Variants in RTN4IP1 observed in about 807,000 individuals in gnomAD.
The protein encoded by RTN4IP1 is reticulon 4 interacting protein 1.
Under a neutral mutation model 46.6 loss-of-function variants are expected in RTN4IP1, and 32 were observed. The ratio of observed to expected loss-of-function variants is 0.69; its 90% confidence interval spans 0.52 to 0.92. The LOEUF (loss-of-function observed/expected upper bound fraction) is 0.92, where lower values mean the gene tolerates loss of function less well. RTN4IP1 is among the 40% of genes least tolerant of loss of function. The pLI, the probability that RTN4IP1 is intolerant of heterozygous loss-of-function variation, is 0.00. For missense variants in RTN4IP1, 424 were observed against 485.8 expected, an observed-to-expected ratio of 0.87 and a Z score of 1.20; for synonymous variants, 167 against 161.8, an observed-to-expected ratio of 1.03 and a Z score of -0.24.
At chr6:106,594,569 C>T (rs1050517447) in intron 5 of RTN4IP1, among the ~76,000 whole-genome samples, 1 of 151,868 alleles carries the variant, frequency 6.6e-6, no homozygotes, top group Admixed American at 6.6e-5. Flanking sequence ...TGAACACCAC[C>T]CAGATAAAGC....
chr6:106,610,862 C>A (rs551660773), intron 4 of RTN4IP1, among the ~76,000 whole-genome samples: 2 of 152,084 alleles, frequency 1.3e-5, no homozygotes, highest in Non-Finnish European at 2.9e-5. Context: ...ATCTAACTTG[C>A]TCTGTCCTTT....
rs546715649 is a variant in RTN4IP1, at chr6:106,572,525, C to G, written c.1084-422G>C. The G allele has an allele frequency of 1.9e-5, 3 of 161,354 alleles. No individual in the cohort carries two copies. In the South Asian group the frequency reaches 5.1e-4, roughly 28 times the overall value. The allele number at this position is 161,354 out of a possible 1,614,324, so 10.0% of individuals were successfully genotyped here. ...GTACGAGTCAGTAAGCCCAGAAATC[C>G]TTCTCTGAAAATTCCACTGCCCTTC... On this transcript the variant is annotated intron_variant, in intron 8 of 8. Coordinates refer to ENST00000369063, the MANE Select transcript of RTN4IP1 (RefSeq NM_032730.5).
At chr6:106,597,655 T>G (rs1420134511) in intron 5 of RTN4IP1, among the ~76,000 whole-genome samples, 1 of 152,008 alleles carries the variant, frequency 6.6e-6, no homozygotes, top group Non-Finnish European at 1.5e-5. Context: ...TCTTTTTGTT[T>G]CTTTTGTAAT....
intron 6 of RTN4IP1, among the ~76,000 whole-genome samples, chr6:106,589,607 A>G (rs1185590305): frequency 1.3e-5 from 2 of 152,104 alleles, no homozygotes; most frequent in Non-Finnish European, 2.9e-5. Flanking sequence ...AAGTATGCAA[A>G]AACTCATAAC....
At chr6:106,580,980 TAA>T (rs11309802) in intron 8 of RTN4IP1, among the ~76,000 whole-genome samples, 35 of 137,408 alleles carry the variant, frequency 2.5e-4, no homozygotes, top group Middle Eastern at 3.7e-3. Flanking sequence ...CATATGCTGT[TAA>T]AAAAAAAAAA....
At chr6:106,617,104 A>C (rs1582386645) in intron 4 of RTN4IP1, among the ~76,000 whole-genome samples, 1 of 152,244 alleles carries the variant, frequency 6.6e-6, no homozygotes, top group Admixed American at 6.5e-5. Context: ...GTTGGTCCTC[A>C]CCAGACACAA....
intron 8 of RTN4IP1, among the ~76,000 whole-genome samples, chr6:106,581,102 A>C (rs747318413): frequency 2.6e-4 from 40 of 152,200 alleles, no homozygotes; most frequent in Non-Finnish European, 5.3e-4. Context: ...GGAATACCCA[A>C]GAAACTAGTA....
At position 106,572,397 on chromosome 6, in the gene RTN4IP1, G is replaced by A. The variant is rs1174841896; in HGVS notation, c.1084-294C>T. The A allele has an allele frequency of 3.1e-5, 10 of 319,694 alleles. 1 individual carries two copies. The East Asian group carries it at 4.4e-4, about 14-fold the overall frequency. 19.8% of individuals were successfully genotyped at this position (319,694 alleles called of 1,614,324 possible). On this transcript the variant is annotated intron_variant, in intron 8 of 8. Transcript: ENST00000369063. ...TTCAACAGCTCCCACTCCGGCATTCGAAGACCAATAGCATCCTGAGCTCAG... is the reference window on the plus strand; with the variant it reads ...TTCAACAGCTCCCACTCCGGCATTCAAAGACCAATAGCATCCTGAGCTCAG...
At chr6:106,612,320 G>T (rs374986275) in intron 4 of RTN4IP1, among the ~76,000 whole-genome samples, 1 of 148,852 alleles carries the variant, frequency 6.7e-6, no homozygotes. Flanking sequence ...CTGGGAGGTG[G>T]AGGTTGCAGT....
intron 2 of RTN4IP1, among the ~76,000 whole-genome samples, 172 bp downstream of exon 2, chr6:106,622,646 A>G (rs772307510): frequency 1.3e-5 from 2 of 152,190 alleles, no homozygotes; most frequent in Non-Finnish European, 2.9e-5. Flanking sequence ...TCTGTACTAA[A>G]TAAATGCAAA....
intron 5 of RTN4IP1, among the ~76,000 whole-genome samples, chr6:106,594,527 A>AAAAG (rs138167913): frequency 3.9e-5 from 6 of 152,034 alleles, no homozygotes; most frequent in Middle Eastern, 6.8e-3. Context: ...AAAAAACAAA[A>AAAAG]AAAGAAAGAA....
At chr6:106,583,520 T>G in intron 7 of RTN4IP1, 100 bp from the exon 8 acceptor site, 1 of 881,404 alleles carries the variant, frequency 1.1e-6, no homozygotes, top group Non-Finnish European at 1.8e-6. Flanking sequence ...TACAACAAAC[T>G]GATTTCTCAT....
intron 4 of RTN4IP1, among the ~76,000 whole-genome samples, chr6:106,606,301 C>G (rs1776072005): frequency 6.6e-6 from 1 of 152,046 alleles, no homozygotes; most frequent in Non-Finnish European, 1.5e-5. Flanking sequence ...CGCTTGTAGT[C>G]CTAGCTATTT....
intron 3 of RTN4IP1, among the ~76,000 whole-genome samples, chr6:106,619,931 T>G (rs983015305): frequency 7.2e-5 from 11 of 151,928 alleles, no homozygotes; most frequent in African/African-American, 2.7e-4. Flanking sequence ...TTAATAACAT[T>G]TTTTCTAGCT....
At chr6:106,595,500 CTTTTT>C (rs35264522) in intron 5 of RTN4IP1, among the ~76,000 whole-genome samples, 1 of 125,884 alleles carries the variant, frequency 7.9e-6, no homozygotes, top group Non-Finnish European at 1.7e-5. Context: ...TACTTTCTTT[CTTTTT>C]TTTTTTTTTT....
chr6:106,624,792 CA>C (rs1429325816), intron 1 of RTN4IP1, among the ~76,000 whole-genome samples: 3 of 150,736 alleles, frequency 2.0e-5, no homozygotes, highest in Non-Finnish European at 4.4e-5. Context: ...AAAAATTAGC[CA>C]GGCATAGTGG....
rs150345358 is a variant in RTN4IP1 at position 106,628,892 on chromosome 6, G to T, written c.130C>A (p.Pro44Thr). The T allele has an allele frequency of 9.7e-4, 1,558 of 1,614,086 alleles. 11 individuals carry two copies. The highest frequency in any genetic ancestry group is 4.0e-4 in the Non-Finnish European group (472 of 1,180,004). Reference protein sequence around the residue: ...STTSPRSTVMPAWVIDKYGKN... With the variant: ...STTSPRSTVMTAWVIDKYGKN... The stretch of plus-strand genomic sequence containing the variant: ...CCATATTTATCTATCACCCAAGCAG[G>T]CATGACAGTGCTCCTAGGAGAGGTA... Residue 44 changes from proline to threonine, a missense_variant, in exon 1 of 9, where the codon CCT becomes ACT. Pro to Thr is a conservative substitution (Grantham distance 38). Transcript: ENST00000369063.
In RTN4IP1 at chr6:106,578,974, C is replaced by T. The variant is rs190264308; in HGVS notation, c.1083+4354G>A. ...AAAACCAGCTGGGCGTGGTGGCTCA[C>T]GCCTGTAATCCCAGCACATTGGGAG... is the stretch of plus-strand genomic sequence containing the variant. On this transcript the variant is annotated intron_variant, in intron 8 of 8. Coordinates refer to ENST00000369063, the MANE Select transcript of RTN4IP1 (RefSeq NM_032730.5). Among the ~76,000 whole-genome samples the T allele has an allele frequency of 1.6e-3, 240 of 151,590 alleles. 1 individual carries two copies. The highest frequency in any genetic ancestry group is 5.1e-3 in the African/African-American group (209 of 41,298).
intron 3 of RTN4IP1, 34 bp from the exon 4 acceptor site, chr6:106,619,360 T>C (rs1181347490): frequency 6.2e-7 from 1 of 1,613,196 alleles, no homozygotes; most frequent in Non-Finnish European, 8.5e-7. Flanking sequence ...AAATAAGCAA[T>C]GACTTGCAAA....
Sources: allele counts gnomAD v4.1 joint callset (sites outside exome capture counted in the v4.1 genomes callset), GRCh38; gene constraint gnomAD v4.1.1; transcripts MANE v1.5; gene names NCBI Gene and HGNC (gene_info 2026-07-23, HGNC 2026-07-21).